PARD3: variants seen among roughly 807,000 people sequenced by gnomAD.
PARD3 encodes partitioning defective 3 homolog.
A neutral mutation model predicts 155.4 loss-of-function variants in PARD3; 75 were observed. The ratio of observed to expected loss-of-function variants is 0.48; its 90% CI spans 0.40 to 0.58. The LOEUF is 0.58. PARD3 is among the 20% of genes least tolerant of loss of function. The pLI, the probability that PARD3 is intolerant of heterozygous loss-of-function variation, is 0.00. For synonymous variants in PARD3, 576 were observed against 610.5 expected (o/e 0.94, Z 0.83); for missense variants, 1,642 against 1,721.7 (o/e 0.95, Z 0.82).
chr10:34,413,723 T>C (rs1240119156), intron 5 of PARD3, among the ~76,000 whole-genome samples: 1 of 152,136 alleles, frequency 6.6e-6, no homozygotes, highest in East Asian at 1.9e-4. Flanking sequence ...TCTATCATTC[T>C]GAAAATCACC....
intron 22 of PARD3, among the ~76,000 whole-genome samples, chr10:34,198,074 G>A (rs1274478): frequency 0.28 from 42,529 of 152,076 alleles, 7,364 homozygotes; most frequent in Non-Finnish European, 0.37. Context: ...AATGGTTTTC[G>A]GACCTTGCTA....
At chr10:34,659,620 T>G (rs1209270250) in intron 2 of PARD3, among the ~76,000 whole-genome samples, 1 of 152,226 alleles carries the variant, frequency 6.6e-6, no homozygotes, top group Non-Finnish European at 1.5e-5. Flanking sequence ...GGTACACATC[T>G]AGATCACTTT....
intron 3 of PARD3, among the ~76,000 whole-genome samples, chr10:34,498,981 C>T (rs2080481478): frequency 6.6e-6 from 1 of 152,130 alleles, no homozygotes; most frequent in Non-Finnish European, 1.5e-5. Context: ...GAAAGTATAA[C>T]ACACATATCA....
At chr10:34,623,841 C>T (rs2091836018) in intron 2 of PARD3, among the ~76,000 whole-genome samples, 1 of 149,956 alleles carries the variant, frequency 6.7e-6, no homozygotes, top group African/African-American at 2.4e-5. Context: ...ATTAGCCAAG[C>T]ATGGTGGCGC....
At chr10:34,153,858 T>C (rs778672978) in intron 22 of PARD3, among the ~76,000 whole-genome samples, 4 of 152,236 alleles carry the variant, frequency 2.6e-5, no homozygotes, top group Non-Finnish European at 4.4e-5. Context: ...GTATCTTCTT[T>C]AAAAGGGCAT....
chr10:34,472,977 T>G (rs2078453338), intron 3 of PARD3, among the ~76,000 whole-genome samples: 1 of 152,208 alleles, frequency 6.6e-6, no homozygotes, highest in Admixed American at 6.5e-5. Context: ...AGCATTTATC[T>G]CTATATACCT....
intron 1 of PARD3, among the ~76,000 whole-genome samples, chr10:34,726,728 A>T (rs1360525003): frequency 6.7e-6 from 1 of 150,038 alleles, no homozygotes; most frequent in Non-Finnish European, 1.5e-5. Flanking sequence ...GCACCACTGC[A>T]CTCCAGTCTG....
intron 1 of PARD3, among the ~76,000 whole-genome samples, chr10:34,746,093 C>G (rs1369935006): frequency 1.3e-5 from 2 of 151,912 alleles, no homozygotes; most frequent in Non-Finnish European, 2.9e-5. Context: ...CAGAGCAAGA[C>G]TCCATCTCAA....
At chr10:34,757,238 T>C (rs573720892) in intron 1 of PARD3, among the ~76,000 whole-genome samples, 12 of 152,244 alleles carry the variant, frequency 7.9e-5, no homozygotes, top group Non-Finnish European at 1.8e-4. Flanking sequence ...CTGAAAATTA[T>C]AGTTAATTAC....
At position 34,351,021 on chromosome 10, in the gene PARD3, T is replaced by A. The variant is rs149272551; in HGVS notation, c.2068-2906A>T. Among the ~76,000 whole-genome samples the A allele has an allele frequency of 2.3e-3, 353 of 152,280 alleles. 3 individuals carry two copies. The highest frequency in any genetic ancestry group is 8.0e-3 in the African/African-American group (331 of 41,550). On this transcript the variant is annotated intron_variant, in intron 14 of 24. Coordinates refer to ENST00000374788, the MANE Select transcript of PARD3 (RefSeq NM_001184785.2). Reference sequence around the variant, plus strand: ...ATCCCAAAGGAAATAATAAGCTAAGTGAATAATGAAAATTCATGTGAATTT... The same window carrying A: ...ATCCCAAAGGAAATAATAAGCTAAGAGAATAATGAAAATTCATGTGAATTT...
intron 2 of PARD3, among the ~76,000 whole-genome samples, chr10:34,583,015 C>G (rs886365136): frequency 6.6e-6 from 1 of 152,196 alleles, no homozygotes; most frequent in Non-Finnish European, 1.5e-5. Context: ...GTTGTCAATA[C>G]ATACCAGACC....
intron 2 of PARD3, among the ~76,000 whole-genome samples, chr10:34,661,517 G>A (rs947395319): frequency 4.6e-5 from 7 of 152,138 alleles, no homozygotes; most frequent in Non-Finnish European, 8.8e-5. Context: ...AAAGCAACCT[G>A]GGAGGGGAAA....
At chr10:34,209,981 T>C (rs919608635) in intron 22 of PARD3, among the ~76,000 whole-genome samples, 6 of 152,216 alleles carry the variant, frequency 3.9e-5, no homozygotes, top group Admixed American at 6.5e-5. Flanking sequence ...ATGAGACTCA[T>C]TGAATTTCTA....
intron 2 of PARD3, among the ~76,000 whole-genome samples, chr10:34,661,515 C>T (rs527970997): frequency 1.1e-4 from 17 of 152,194 alleles, no homozygotes; most frequent in African/African-American, 4.1e-4. Context: ...ACAAAGCAAC[C>T]TGGGAGGGGA....
chr10:34,649,319 T>C (rs972346564), intron 2 of PARD3, among the ~76,000 whole-genome samples: 3 of 152,216 alleles, frequency 2.0e-5, no homozygotes, highest in Non-Finnish European at 4.4e-5. Flanking sequence ...GATTCAGGGA[T>C]TTCATAGTTG....
chr10:34,462,049 T>C (rs889540293), intron 4 of PARD3, among the ~76,000 whole-genome samples: 1 of 152,346 alleles, frequency 6.6e-6, no homozygotes, highest in South Asian at 2.1e-4. Flanking sequence ...CCATACTGAC[T>C]GAAAGTTCGA....
At chr10:34,736,639 T>TGTA (rs2094918358) in intron 1 of PARD3, among the ~76,000 whole-genome samples, 1 of 108,232 alleles carries the variant, frequency 9.2e-6, no homozygotes, top group Non-Finnish European at 2.0e-5. Context: ...AATAGGTTAC[T>TGTA]TTATTAATTA....
intron 22 of PARD3, among the ~76,000 whole-genome samples, chr10:34,235,858 G>A (rs1953199442): frequency 6.6e-6 from 1 of 152,152 alleles, no homozygotes; most frequent in Non-Finnish European, 1.5e-5. Flanking sequence ...CCAGTTCAAT[G>A]CATTTTCCAG....
At chr10:34,575,759 G>A (rs1040730137) in intron 2 of PARD3, among the ~76,000 whole-genome samples, 2 of 152,144 alleles carry the variant, frequency 1.3e-5, no homozygotes. Context: ...AGCTGGACAT[G>A]GTGGCGGGTG....
Sources: gnomAD v4.1 joint callset for allele counts (sites outside exome capture counted in the v4.1 genomes callset) on GRCh38, gnomAD v4.1.1 for gene constraint, MANE v1.5 for transcripts, NCBI Gene and HGNC (gene_info 2026-07-23, HGNC 2026-07-21) for gene names.